CDH9: variants seen among roughly 807,000 people sequenced by gnomAD.
CDH9 encodes cadherin-9.
Under a neutral mutation model 70.9 loss-of-function variants are expected in CDH9, and 28 were observed. The observed-to-expected ratio is 0.40, with a 90% confidence interval of 0.29 to 0.54. CDH9 has a LOEUF of 0.54. Among genes scored for constraint, CDH9 ranks in the 20% least tolerant of loss-of-function variants. CDH9 has a pLI of 0.59. For missense variants in CDH9, 874 were observed against 984.4 expected, an observed-to-expected ratio of 0.89 and a Z score of 1.50; for synonymous variants, 409 against 343.1, an observed-to-expected ratio of 1.19 and a Z score of -2.12.
chr5:26,988,376 G>T lies in CDH9; in HGVS notation c.-43C>A. 1 of 1,588,522 alleles carries T rather than the reference G, an allele frequency of 6.3e-7. No individual in the cohort carries two copies. The highest frequency in any genetic ancestry group is 1.7e-5 in the Admixed American group (1 of 58,744). On this transcript the variant is annotated 5_prime_UTR_variant, in exon 2 of 12. Coordinates refer to ENST00000231021, the MANE Select transcript of CDH9 (RefSeq NM_016279.4). The stretch of plus-strand genomic sequence containing the variant: ...GGTTGTCAAATTCAATGTATTGTTT[G>T]TTTTTCCTAAAGAGTAAGGAGAAAA...
intron 1 of CDH9, among the ~76,000 whole-genome samples, chr5:27,028,952 G>T (rs1046735268): frequency 6.6e-6 from 1 of 151,756 alleles, no homozygotes; most frequent in Non-Finnish European, 1.5e-5. Context: ...TGTTGGCCAC[G>T]TGAACAACTA....
In CDH9 at chr5:27,009,835, T is replaced by A. The variant is rs371824898; in HGVS notation, c.-49-21453A>T. On this transcript the variant is annotated intron_variant, in intron 1 of 11. Coordinates refer to ENST00000231021, the MANE Select transcript of CDH9 (RefSeq NM_016279.4). ...AGAGATATGCCACAGAAATAGCATC[T>A]TTTTAAGCATACTTCTTAGAATTTC... 2.4e-4 allele frequency among the ~76,000 whole-genome samples: 36 copies of A among 152,244 alleles called. No homozygotes were observed. The East Asian group carries it at 6.8e-3, about 29-fold the overall frequency.
At chr5:26,888,192 A>G (rs10472563) in intron 9 of CDH9, among the ~76,000 whole-genome samples, 2,742 of 152,294 alleles carry the variant, frequency 0.018, 79 homozygotes, top group African/African-American at 0.064. Context: ...AGAGTTGCCA[A>G]GTACATAGGC....
In CDH9 at chr5:26,915,738, C is replaced by T; in HGVS notation, c.415G>A (p.Val139Met). 1.9e-6 allele frequency: 3 copies of T among 1,613,600 alleles called. No homozygotes were observed. The highest frequency in any genetic ancestry group is 2.5e-6 in the Non-Finnish European group (3 of 1,179,572). ...KAIDRKTGRQ[V>M]EPESEFIIKI... ...ATGATAAATTCCGATTCCGGTTCCA[C>T]CTGCCGCCCAGTTTTTCTGTCTATA... is the stretch of plus-strand genomic sequence containing the variant. The change falls in exon 3 of 12, where the codon GTG becomes ATG. Residue 139 changes from valine to methionine, a missense_variant. By Grantham distance (21) the Val-to-Met change is conservative. Transcript: ENST00000231021.
In CDH9 at chr5:26,891,256, GAA is replaced by G. The variant is rs1740655216; in HGVS notation, c.1254-694_1254-693del. The stretch of plus-strand genomic sequence containing the variant: ...TAAGATGTCTATACCCTAATCCCCA[GAA>G]CCTGTGAAGATGTTGTTTTACACAG... On this transcript the variant is annotated intron_variant, in intron 7 of 11. Coordinates refer to ENST00000231021, the MANE Select transcript of CDH9 (RefSeq NM_016279.4). Among the ~76,000 whole-genome samples, 7 of 152,268 alleles carry G rather than the reference GAA, an allele frequency of 4.6e-5. No homozygotes were observed. The South Asian group carries it at 1.2e-3, about 27-fold the overall frequency.
intron 2 of CDH9, among the ~76,000 whole-genome samples, chr5:26,972,716 C>T (rs1742240876): frequency 6.6e-6 from 1 of 152,162 alleles, no homozygotes; most frequent in South Asian, 2.1e-4. Context: ...TTCTACCAGG[C>T]TTTAACAACA....
chr5:27,019,228 T>C (rs546097290), intron 1 of CDH9, among the ~76,000 whole-genome samples: 2 of 152,130 alleles, frequency 1.3e-5, no homozygotes, highest in Admixed American at 1.3e-4. Context: ...AAAACCTAGA[T>C]GTACATCTCC....
intron 2 of CDH9, among the ~76,000 whole-genome samples, chr5:26,937,468 C>T (rs1019658946): frequency 6.6e-6 from 1 of 151,990 alleles, no homozygotes; most frequent in African/African-American, 2.4e-5. Context: ...TGTGAGTTTC[C>T]TACAAAGCTA....
chr5:26,903,491 A>G (rs751112064), intron 6 of CDH9, 146 bp downstream of exon 6: 4 of 736,502 alleles, frequency 5.4e-6, no homozygotes, highest in South Asian at 4.2e-5. Context: ...GCTTGAAGTG[A>G]TATCACAACT....
chr5:27,001,829 T>TAC (rs1318692075), intron 1 of CDH9, among the ~76,000 whole-genome samples: 292 of 132,978 alleles, frequency 2.2e-3, no homozygotes, highest in African/African-American at 5.0e-3. Context: ...GTGCTTAACA[T>TAC]ACACACACAC....
chr5:26,968,791 C>A (rs1394188366), intron 2 of CDH9, among the ~76,000 whole-genome samples: 1 of 151,720 alleles, frequency 6.6e-6, no homozygotes, highest in Non-Finnish European at 1.5e-5. Context: ...GTTTTCATGC[C>A]TTCAAAATGG....
At chr5:27,030,694 GT>G (rs1441021182) in intron 1 of CDH9, among the ~76,000 whole-genome samples, 1 of 151,756 alleles carries the variant, frequency 6.6e-6, no homozygotes, top group Admixed American at 6.6e-5. Context: ...TACAACCTAA[GT>G]CAACTTTATT....
chr5:26,984,060 A>G (rs1742449207), intron 2 of CDH9, among the ~76,000 whole-genome samples: 2 of 152,150 alleles, frequency 1.3e-5, no homozygotes, highest in Admixed American at 6.5e-5. Context: ...GTTTTAGGTA[A>G]CAGATAAACC....
intron 7 of CDH9, among the ~76,000 whole-genome samples, chr5:26,899,683 A>C (rs956969914): frequency 2.6e-5 from 4 of 151,936 alleles, no homozygotes; most frequent in African/African-American, 9.7e-5. Context: ...ACCCATGGAC[A>C]CAGGGAGGGG....
intron 2 of CDH9, among the ~76,000 whole-genome samples, chr5:26,984,538 T>C (rs573710857): frequency 6.6e-6 from 1 of 152,282 alleles, no homozygotes; most frequent in Admixed American, 6.5e-5. Flanking sequence ...GTTAATTGAT[T>C]ATTGATCCAT....
intron 1 of CDH9, among the ~76,000 whole-genome samples, chr5:27,016,598 G>A (rs902536401): frequency 6.6e-6 from 1 of 151,844 alleles, no homozygotes; most frequent in African/African-American, 2.4e-5. Flanking sequence ...AGGAATTTTA[G>A]TATAATTGGC....
chr5:27,037,875 C>G (rs1037728913), intron 1 of CDH9, among the ~76,000 whole-genome samples: 1 of 151,938 alleles, frequency 6.6e-6, no homozygotes, highest in Admixed American at 6.6e-5. Context: ...GAAGAAACCT[C>G]TTTTACCAGG....
rs201394997 is a variant in CDH9 at position 26,922,452 on chromosome 5, G to GA, written c.229-6529dup. Among the ~76,000 whole-genome samples the GA allele has an allele frequency of 9.3e-3, 1,407 of 151,492 alleles. 18 individuals are homozygous for GA. The highest frequency in any genetic ancestry group is 0.032 in the African/African-American group (1,309 of 41,302). On this transcript the variant is annotated intron_variant, in intron 2 of 11. Transcript: ENST00000231021. Reference sequence around the variant, plus strand: ...GCACAACATATTTAAAGTGCTAAAGGAAAAAAAATCACTTTTATTCTAAAA... The same window carrying GA: ...GCACAACATATTTAAAGTGCTAAAGGAAAAAAAAATCACTTTTATTCTAAAA...
At chr5:27,006,636 T>C (rs1242051249) in intron 1 of CDH9, among the ~76,000 whole-genome samples, 1 of 152,192 alleles carries the variant, frequency 6.6e-6, no homozygotes, top group Non-Finnish European at 1.5e-5. Flanking sequence ...GCATCCCTAG[T>C]CAGCTCCCTT....
Sources: gnomAD v4.1 joint callset for allele counts (sites outside exome capture counted in the v4.1 genomes callset) on GRCh38, gnomAD v4.1.1 for gene constraint, MANE v1.5 for transcripts, NCBI Gene and HGNC (gene_info 2026-07-23, HGNC 2026-07-21) for gene names.